ZNF804A: variants seen among roughly 807,000 people sequenced by gnomAD.
ZNF804A encodes zinc finger protein 804A.
ZNF804A carries 2 observed loss-of-function variants against 16.5 expected under a neutral mutation model. The ratio of observed to expected loss-of-function variants is 0.12; its 90% confidence interval spans 0.05 to 0.38. ZNF804A has a LOEUF of 0.38. ZNF804A is among the 10% of genes least tolerant of loss of function. The pLI is 0.99. For synonymous variants in ZNF804A, 534 were observed against 489.6 expected, an observed-to-expected ratio of 1.09 and a Z score of -1.20; for missense variants, 1,473 against 1,390.7, an observed-to-expected ratio of 1.06 and a Z score of -0.94.
chr2:184,709,861 TA>T (rs1392461861), intron 1 of ZNF804A, among the ~76,000 whole-genome samples: 1 of 148,350 alleles, frequency 6.7e-6, no homozygotes, highest in East Asian at 1.9e-4. Context: ...ATATTATAAA[TA>T]TATAATATAT....
intron 1 of ZNF804A, among the ~76,000 whole-genome samples, chr2:184,662,532 C>T (rs1030574493): frequency 3.9e-5 from 6 of 152,136 alleles, no homozygotes; most frequent in Non-Finnish European, 1.5e-5. Flanking sequence ...TGAATGGTGT[C>T]TCAGTGAGTA....
chr2:184,829,899 CAAA>C (rs1244566222), intron 1 of ZNF804A, among the ~76,000 whole-genome samples: 1 of 38,896 alleles, frequency 2.6e-5, no homozygotes, highest in African/African-American at 9.4e-5. Flanking sequence ...CTGTCTCTAC[CAAA>C]AAAAAAAAAA....
chr2:184,696,320 CATCA>C (rs1692830537), intron 1 of ZNF804A, among the ~76,000 whole-genome samples: 1 of 152,084 alleles, frequency 6.6e-6, no homozygotes, highest in Non-Finnish European at 1.5e-5. Context: ...CAGGCAACAA[CATCA>C]AATCCAAGTT....
chr2:184,658,435 T>C (rs747610118), intron 1 of ZNF804A, among the ~76,000 whole-genome samples: 10 of 152,182 alleles, frequency 6.6e-5, no homozygotes, highest in Non-Finnish European at 1.5e-4. Flanking sequence ...ATTGTGCCAC[T>C]GCACTCCAGC....
At chr2:184,695,465 T>TA (rs779929990) in intron 1 of ZNF804A, among the ~76,000 whole-genome samples, 7,803 of 51,768 alleles carry the variant, frequency 0.15, 1,020 homozygotes, top group East Asian at 0.22. Context: ...ACTCCGTCAT[T>TA]AAAAAAAAAA....
chr2:184,606,832 T>TACACACAC (rs10645645), intron 1 of ZNF804A, among the ~76,000 whole-genome samples: 207 of 149,432 alleles, frequency 1.4e-3, no homozygotes, highest in African/African-American at 4.6e-3. Flanking sequence ...TAGGTGTGTC[T>TACACACAC]ACACACACAC....
At chr2:184,650,688 A>G (rs1691967798) in intron 1 of ZNF804A, among the ~76,000 whole-genome samples, 1 of 149,698 alleles carries the variant, frequency 6.7e-6, no homozygotes, top group South Asian at 2.1e-4. Flanking sequence ...TACAATAGCT[A>G]AAACTGAAAC....
At chr2:184,884,264 C>T (rs752719342) in intron 2 of ZNF804A, among the ~76,000 whole-genome samples, 3 of 152,008 alleles carry the variant, frequency 2.0e-5, no homozygotes, top group Non-Finnish European at 4.4e-5. Flanking sequence ...AAGATCTTTA[C>T]AATGAGAATT....
chr2:184,644,021 A>C (rs1432053970), intron 1 of ZNF804A, among the ~76,000 whole-genome samples: 1 of 151,794 alleles, frequency 6.6e-6, no homozygotes, highest in Admixed American at 6.6e-5. Flanking sequence ...TTACCATAAA[A>C]TTCTCAAACT....
intron 2 of ZNF804A, among the ~76,000 whole-genome samples, chr2:184,884,163 C>T (rs1684852611): frequency 6.6e-6 from 1 of 152,040 alleles, no homozygotes; most frequent in South Asian, 2.1e-4. Flanking sequence ...CATCAGCATA[C>T]AAGCTGAGAG....
At chr2:184,695,025 T>A (rs530030141) in intron 1 of ZNF804A, among the ~76,000 whole-genome samples, 3 of 152,206 alleles carry the variant, frequency 2.0e-5, no homozygotes, top group Non-Finnish European at 4.4e-5. Flanking sequence ...TGAGATTGAG[T>A]GGGGAAATAA....
Position 184,937,721 on chromosome 2 carries a change from T to G in ZNF804A, c.2325T>G (p.His775Gln), listed in dbSNP as rs780836958. The G allele has an allele frequency of 6.2e-7, 1 of 1,614,006 alleles. No homozygotes were observed. Among genetic ancestry groups the G allele is most frequent in the Admixed American group, 1.7e-5 (1 of 59,984 alleles). The change falls in exon 4 of 4, where the codon CAT becomes CAG. Residue 775 changes from histidine (H) to glutamine (Q), a missense_variant. Transcript: ENST00000302277. ...SERFYRKRRQ[H>Q]SHSYSSDESL... is the part of the protein sequence containing the mutation. Reference sequence around the variant, plus strand: ...GATTCTATCGAAAACGTAGACAACATTCACATTCTTATTCTTCAGATGAAA... The same window carrying G: ...GATTCTATCGAAAACGTAGACAACAGTCACATTCTTATTCTTCAGATGAAA...
rs576399924 is a variant in ZNF804A at position 184,679,490 on chromosome 2, C to T, written c.111+80420C>T. Among the ~76,000 whole-genome samples the T allele has an allele frequency of 2.0e-5, 3 of 152,238 alleles. No individual in the cohort carries two copies. The East Asian group carries it at 5.8e-4, about 30-fold the overall frequency. ...CCCTCCCCGGTGCAGCTACTACTGC[C>T]CAGCCACTACTGTGGACCTGGACAT... On this transcript the variant is annotated intron_variant, in intron 1 of 3. Coordinates refer to ENST00000302277, the MANE Select transcript of ZNF804A (RefSeq NM_194250.2).
chr2:184,676,908 G>A (rs777672528), intron 1 of ZNF804A, among the ~76,000 whole-genome samples: 72 of 151,358 alleles, frequency 4.8e-4, no homozygotes, highest in Non-Finnish European at 9.5e-4. Flanking sequence ...ATGTAAATAG[G>A]TTCAACATAA....
intron 1 of ZNF804A, among the ~76,000 whole-genome samples, chr2:184,746,389 G>T (rs1693790001): frequency 6.6e-6 from 1 of 150,982 alleles, no homozygotes; most frequent in South Asian, 2.1e-4. Flanking sequence ...CTATGAGATC[G>T]ATGAAAAAAC....
chr2:184,660,005 G>A (rs747925103), intron 1 of ZNF804A, among the ~76,000 whole-genome samples: 6 of 152,110 alleles, frequency 3.9e-5, no homozygotes, highest in Admixed American at 6.6e-5. Context: ...CACCTACTCC[G>A]AAGGCTGAAG....
chr2:184,599,838 A>T (rs1691018897), intron 1 of ZNF804A, among the ~76,000 whole-genome samples: 1 of 152,132 alleles, frequency 6.6e-6, no homozygotes, highest in Non-Finnish European at 1.5e-5. Flanking sequence ...GAGCATTGAG[A>T]TAGTGCAGGA....
intron 2 of ZNF804A, among the ~76,000 whole-genome samples, chr2:184,884,552 T>A (rs966819019): frequency 1.3e-5 from 2 of 151,894 alleles, no homozygotes; most frequent in Admixed American, 6.6e-5. Flanking sequence ...CTTTTTAAAC[T>A]ACACTGTAAA....
Position 184,937,403 on chromosome 2 carries a change from C to A in ZNF804A, c.2007C>A (p.Asp669Glu). The A allele has an allele frequency of 6.2e-7, 1 of 1,612,710 alleles. No homozygotes were observed. Among genetic ancestry groups the A allele is most frequent in the Non-Finnish European group, 8.5e-7 (1 of 1,179,514 alleles). ...AATCAGAATCCATATCCTTAAGTGA[C>A]AATGAAGAAATGTGTAAAACATGGA... The part of the protein sequence containing the change: ...RPKSESISLS[D>E]NEEMCKTWNT... The change falls in exon 4 of 4, where the codon GAC (aspartate) becomes GAA (glutamate). Residue 669 changes from aspartate (D) to glutamate (E), a missense_variant. Asp to Glu is a conservative substitution (Grantham distance 45). Transcript: ENST00000302277.
Sources: allele counts gnomAD v4.1 joint callset (sites outside exome capture counted in the v4.1 genomes callset), GRCh38; gene constraint gnomAD v4.1.1; transcripts MANE v1.5; gene names NCBI Gene and HGNC (gene_info 2026-07-23, HGNC 2026-07-21).